The following BNC2 variants were observed in gnomAD, a reference collection of about 807,000 sequenced individuals.
BNC2 encodes the protein zinc finger protein basonuclin-2.
BNC2 carries 20 observed loss-of-function variants against 76.3 expected under a neutral mutation model. That is an observed-to-expected ratio of 0.26 (90% CI 0.18 to 0.38). The LOEUF (loss-of-function observed/expected upper bound fraction) is 0.38, where lower values mean the gene tolerates loss of function less well. Among genes scored for constraint, BNC2 ranks in the 10% least tolerant of loss-of-function variants. The pLI is 1.00. For synonymous variants in BNC2, 582 were observed against 514.8 expected, an observed-to-expected ratio of 1.13 and a Z score of -1.77; for missense variants, 1,382 against 1,399.8, an observed-to-expected ratio of 0.99 and a Z score of 0.20.
Position 16,436,532 on chromosome 9 carries a change from G to T in BNC2, c.1662C>A (p.Leu554=), listed in dbSNP as rs267602190. 1.9e-6 allele frequency: 3 copies of T among 1,614,052 alleles called. No homozygotes were observed. Among genetic ancestry groups the T allele is most frequent in the Non-Finnish European group, 2.5e-6 (3 of 1,180,044 alleles). ...PPLDPVLQNP[L]PSQLVFSGLK... The stretch of plus-strand genomic sequence containing the variant: ...GCCCAGAAAATACTAGCTGGCTAGG[G>T]AGAGGATTTTGCAAGACAGGGTCTA... The change falls in exon 6 of 7, where the codon CTC becomes CTA. Residue 554 remains leucine, a synonymous_variant. Transcript: ENST00000380672.
intron 1 of BNC2, chr9:16,832,169 A>G: frequency 1.1e-5 from 7 of 651,234 alleles, no homozygotes; most frequent in Non-Finnish European, 1.6e-5. Flanking sequence ...AGTAGGTTTC[A>G]TTCATGCGCC....
chr9:16,774,707 G>A (rs973516706), intron 1 of BNC2, among the ~76,000 whole-genome samples: 1 of 152,168 alleles, frequency 6.6e-6, no homozygotes, highest in African/African-American at 2.4e-5. Flanking sequence ...ACAGATTTAG[G>A]AGTTAAAGGG....
chr9:16,722,842 T>C (rs1232133700), intron 3 of BNC2, among the ~76,000 whole-genome samples: 1 of 152,198 alleles, frequency 6.6e-6, no homozygotes. Context: ...CGGTATCTCT[T>C]ATGTGAAGTC....
intron 1 of BNC2, among the ~76,000 whole-genome samples, chr9:16,854,543 C>A (rs542720965): frequency 6.6e-6 from 1 of 151,942 alleles, no homozygotes; most frequent in Non-Finnish European, 1.5e-5. Context: ...GTTTCTAAGT[C>A]TTTTTTTTCT....
In BNC2 at chr9:16,413,207, G is replaced by C. The variant is rs1029529034; in HGVS notation, c.*5782C>G. 1 of 151,550 alleles carries C rather than the reference G, an allele frequency of 6.6e-6. No individual in the cohort carries two copies. The highest frequency in any genetic ancestry group is 1.5e-5 in the Non-Finnish European group (1 of 67,962). 9.4% of individuals were successfully genotyped at this position (151,550 alleles called of 1,614,324 possible). A position where few individuals can be genotyped will look rare whatever the true frequency, so the allele number is the denominator to read the frequency against. ...AAAAAAGATTTTTTTTTTTCCTGCA[G>C]TAAAGGTCAAATGAATTTACAACAG... On this transcript the variant is annotated 3_prime_UTR_variant, in exon 7 of 7. Coordinates refer to ENST00000380672, the MANE Select transcript of BNC2 (RefSeq NM_017637.6).
rs370148934 is a variant in BNC2 at position 16,536,106 on chromosome 9, A to C, written c.669+16424T>G. Among the ~76,000 whole-genome samples the C allele has an allele frequency of 2.2e-4, 34 of 152,254 alleles. No individual in the cohort carries two copies. In the East Asian group the frequency reaches 3.7e-3, roughly 16 times the overall value. On this transcript the variant is annotated intron_variant, in intron 5 of 6. Transcript: ENST00000380672. ...TTGTGAAAAATAATAAAATGCTGGG[A>C]ATTTAAACCACTATTAATATACTAA...
intron 3 of BNC2, among the ~76,000 whole-genome samples, chr9:16,592,275 A>G (rs1819951313): frequency 6.6e-6 from 1 of 152,232 alleles, no homozygotes; most frequent in African/African-American, 2.4e-5. Flanking sequence ...ACTTCATTTT[A>G]TAAAACGCTA....
intron 1 of BNC2, among the ~76,000 whole-genome samples, chr9:16,777,183 A>G (rs1013101569): frequency 1.3e-5 from 2 of 151,948 alleles, no homozygotes; most frequent in Non-Finnish European, 2.9e-5. Flanking sequence ...AAATAAATAA[A>G]CGATAGGACA....
chr9:16,606,090 A>G (rs1587227574), intron 3 of BNC2, among the ~76,000 whole-genome samples: 1 of 152,306 alleles, frequency 6.6e-6, no homozygotes, highest in East Asian at 1.9e-4. Flanking sequence ...CTGCTAGAAC[A>G]GAAAATAAGG....
intron 5 of BNC2, among the ~76,000 whole-genome samples, chr9:16,451,791 T>C (rs959399055): frequency 6.6e-6 from 1 of 152,242 alleles, no homozygotes; most frequent in African/African-American, 2.4e-5. Context: ...TCTGCTTATA[T>C]TTCTCTGTCA....
chr9:16,509,608 A>G (rs1822707775), intron 5 of BNC2, among the ~76,000 whole-genome samples: 1 of 152,258 alleles, frequency 6.6e-6, no homozygotes, highest in Non-Finnish European at 1.5e-5. Flanking sequence ...AGAGTAAGTC[A>G]AAGTTACTAA....
intron 1 of BNC2, among the ~76,000 whole-genome samples, chr9:16,758,330 G>A (rs7868606): frequency 0.81 from 123,011 of 151,770 alleles, 51,303 homozygotes; most frequent in Non-Finnish European, 0.91. Flanking sequence ...AGCCGCGTTT[G>A]CAAAGTCCCT....
intron 1 of BNC2, among the ~76,000 whole-genome samples, chr9:16,781,328 T>C (rs1451581417): frequency 6.6e-6 from 1 of 152,022 alleles, no homozygotes; most frequent in Non-Finnish European, 1.5e-5. Context: ...AGAAAGGCTA[T>C]AACTTTATTA....
intron 3 of BNC2, among the ~76,000 whole-genome samples, chr9:16,627,618 T>G (rs1490555854): frequency 1.3e-5 from 2 of 152,154 alleles, no homozygotes. Context: ...AATTTGAGTC[T>G]GCTTGATCAT....
intron 3 of BNC2, among the ~76,000 whole-genome samples, chr9:16,616,904 CTT>C (rs1820721655): frequency 6.6e-6 from 1 of 151,914 alleles, no homozygotes; most frequent in Admixed American, 6.6e-5. Flanking sequence ...GTTCTTTCCT[CTT>C]GTTTTGAACC....
rs114384002 is a variant in BNC2, at chr9:16,849,202, C to G, written c.3+21444G>C. ...TCCTGGAGTCAAATTTATTTCATTT[C>G]TTTTTATTTCCCGAACTCTCATTCC... On this transcript the variant is annotated intron_variant, in intron 1 of 6. Transcript: ENST00000380672. Among the ~76,000 whole-genome samples, 563 of 152,050 alleles carry G rather than the reference C, an allele frequency of 3.7e-3. 2 individuals carry two copies. The highest frequency in any genetic ancestry group is 0.013 in the African/African-American group (541 of 41,472).
chr9:16,664,999 T>G (rs1416328232), intron 3 of BNC2: 1 of 453,616 alleles, frequency 2.2e-6, no homozygotes, highest in Non-Finnish European at 4.4e-6. Flanking sequence ...AGCAGGGAAG[T>G]GCCTTAGATA....
intron 4 of BNC2, among the ~76,000 whole-genome samples, chr9:16,565,868 A>G (rs60445897): frequency 0.056 from 8,570 of 151,830 alleles, 875 homozygotes; most frequent in African/African-American, 0.2. Context: ...TACAAACTGG[A>G]TATGTGACAT....
At chr9:16,527,203 C>G (rs940061707) in intron 5 of BNC2, among the ~76,000 whole-genome samples, 2 of 152,204 alleles carry the variant, frequency 1.3e-5, no homozygotes, top group Non-Finnish European at 2.9e-5. Flanking sequence ...CAGAAACAGG[C>G]AGAATGCCAT....
Sources: allele counts gnomAD v4.1 joint callset (sites outside exome capture counted in the v4.1 genomes callset), GRCh38; gene constraint gnomAD v4.1.1; transcripts MANE v1.5; gene names NCBI Gene and HGNC (gene_info 2026-07-23, HGNC 2026-07-21).